The following RAP1GAP2 variants were observed in gnomAD, a reference collection of about 807,000 sequenced individuals.
RAP1GAP2 encodes the protein rap1 GTPase-activating protein 2.
In RAP1GAP2, 27 loss-of-function variants were observed where a neutral mutation model predicts 95.0. That is an observed-to-expected ratio of 0.28 (90% CI 0.21 to 0.39). RAP1GAP2 has a LOEUF of 0.39. Ranked by LOEUF, RAP1GAP2 falls within the 10% of genes least tolerant of loss-of-function variation. The probability of loss-of-function intolerance (pLI) is 1.00; values close to 1 mark genes in which losing one functional copy is unlikely to be tolerated. For missense variants in RAP1GAP2, 771 were observed against 970.0 expected, an observed-to-expected ratio of 0.79 and a Z score of 2.72; for synonymous variants, 373 against 380.9, an observed-to-expected ratio of 0.98 and a Z score of 0.24.
Position 2,810,828 on chromosome 17 carries a change from C to CTCTATGTTTAATTTTTTTAGCTTTTTTTA in RAP1GAP2, c.80+10278_80+10279insTCTATGTTTAATTTTTTTAGCTTTTTTTA, listed in dbSNP as rs1305506278. ...ACAGGCGTGAGCCACCGCGCCTGGC[C>CTCTATGTTTAATTTTTTTAGCTTTTTTTA]AACAAAAGTCAAATTAGTCTTTATG... On this transcript the variant is annotated intron_variant, in intron 2 of 24. Transcript: ENST00000254695. Among the ~76,000 whole-genome samples, 2 of 152,086 alleles carry CTCTATGTTTAATTTTTTTAGCTTTTTTTA rather than the reference C, an allele frequency of 1.3e-5. 1 individual carries two copies.
intron 2 of RAP1GAP2, among the ~76,000 whole-genome samples, chr17:2,861,701 G>A (rs1159096544): frequency 2.0e-5 from 3 of 151,984 alleles, no homozygotes; most frequent in African/African-American, 2.4e-5. Flanking sequence ...GTGCAGTGGC[G>A]CGATCACAGC....
chr17:2,852,762 C>G (rs1320303869), intron 2 of RAP1GAP2, among the ~76,000 whole-genome samples: 1 of 150,768 alleles, frequency 6.6e-6, no homozygotes, highest in Non-Finnish European at 1.5e-5. Flanking sequence ...AGGGGTGAGG[C>G]GGGAGGGGGC....
chr17:3,002,940 T>C (rs993810990), intron 14 of RAP1GAP2, among the ~76,000 whole-genome samples: 1 of 151,972 alleles, frequency 6.6e-6, no homozygotes, highest in Admixed American at 6.6e-5. Context: ...TTGGGGAAAC[T>C]CTATTTCAGG....
chr17:3,030,051 A>G (rs1214706521), intron 22 of RAP1GAP2, among the ~76,000 whole-genome samples: 1 of 148,072 alleles, frequency 6.8e-6, no homozygotes, highest in Non-Finnish European at 1.5e-5. Context: ...TATATTATAT[A>G]TACATATATA....
chr17:2,889,889 A>ATATATATATATATATATATATTT (rs1408426152), intron 2 of RAP1GAP2, among the ~76,000 whole-genome samples: 12 of 57,280 alleles, frequency 2.1e-4, no homozygotes, highest in Admixed American at 5.6e-4. Context: ...ATATATATAT[A>ATATATATATATATATATATATTT]TTTTTTTTTT....
chr17:2,856,947 C>T (rs1242076328), intron 2 of RAP1GAP2, among the ~76,000 whole-genome samples: 1 of 152,206 alleles, frequency 6.6e-6, no homozygotes. Context: ...GTTTCTTTGT[C>T]TCTTTAAGCG....
In RAP1GAP2 at chr17:2,963,984, G is replaced by C; in HGVS notation, c.408G>C (p.Glu136Asp). The C allele has an allele frequency of 6.2e-7, 1 of 1,613,018 alleles. No individual in the cohort carries two copies. Among genetic ancestry groups the C allele is most frequent in the Non-Finnish European group, 8.5e-7 (1 of 1,179,716 alleles). The change falls in exon 7 of 25, where the codon GAG becomes GAC. Residue 136 changes from glutamate to aspartate, a missense_variant. Coordinates refer to ENST00000254695, the MANE Select transcript of RAP1GAP2 (RefSeq NM_015085.5). This position sits in a 1 kb window ranked among gnomAD's most constrained non-coding sequence, Gnocchi z 4.8. ...GCAGCATCTGTGAGGAGGAGGAAGA[G>C]GACAACCTCAGCCCCAACACATTTG... ...LGSSICEEEE[E>D]DNLSPNTFGY...
At chr17:2,811,543 G>C (rs761323387) in intron 2 of RAP1GAP2, among the ~76,000 whole-genome samples, 1 of 152,108 alleles carries the variant, frequency 6.6e-6, no homozygotes, top group Non-Finnish European at 1.5e-5. Context: ...TTTTATAACA[G>C]CAGCTGGAAA....
chr17:3,012,764 G>A (rs543127555), intron 17 of RAP1GAP2, among the ~76,000 whole-genome samples: 3 of 152,222 alleles, frequency 2.0e-5, no homozygotes, highest in African/African-American at 7.2e-5. Flanking sequence ...GCAGATTCTC[G>A]GGAGTCTTGC....
chr17:2,947,909 C>A (rs999156353), intron 3 of RAP1GAP2, among the ~76,000 whole-genome samples: 10 of 152,172 alleles, frequency 6.6e-5, no homozygotes, highest in African/African-American at 2.4e-5. Flanking sequence ...GCTTCTCCCC[C>A]CAGCACTTTC....
chr17:2,809,062 T>C (rs950586228), intron 2 of RAP1GAP2, among the ~76,000 whole-genome samples: 1 of 152,142 alleles, frequency 6.6e-6, no homozygotes, highest in Non-Finnish European at 1.5e-5. Flanking sequence ...CTCCTGGAGG[T>C]ACCATTTGCC....
upstream of RAP1GAP2, among the ~76,000 whole-genome samples, chr17:2,795,086 C>G (rs571263774): frequency 6.6e-6 from 1 of 151,966 alleles, no homozygotes; most frequent in African/African-American, 2.4e-5. Context: ...CCATGTTGGC[C>G]AGGCTGGTCT....
At chr17:2,862,063 C>T (rs1481528372) in intron 2 of RAP1GAP2, among the ~76,000 whole-genome samples, 1 of 152,184 alleles carries the variant, frequency 6.6e-6, no homozygotes, top group Non-Finnish European at 1.5e-5. Flanking sequence ...TAGAGAATTG[C>T]AAATGATCAC....
At chr17:2,760,152 G>A (rs906489316) in intron 1 of RAP1GAP2, among the ~76,000 whole-genome samples, 2 of 151,508 alleles carry the variant, frequency 1.3e-5, no homozygotes, top group African/African-American at 4.8e-5. Context: ...AATTAGCCAG[G>A]CGTGGTGGCG....
intron 8 of RAP1GAP2, among the ~76,000 whole-genome samples, chr17:2,969,142 C>A (rs956111853): frequency 7.5e-5 from 10 of 132,926 alleles, no homozygotes; most frequent in Admixed American, 1.6e-4. Flanking sequence ...ATCTCAATAT[C>A]AATTATATAC....
intron 17 of RAP1GAP2, among the ~76,000 whole-genome samples, chr17:3,017,139 A>G (rs1041827877): frequency 1.3e-5 from 2 of 151,892 alleles, no homozygotes; most frequent in Non-Finnish European, 2.9e-5. Flanking sequence ...TCAACACAGC[A>G]CTCTGAGGGG....
chr17:2,898,770 G>A (rs1196426197), intron 2 of RAP1GAP2, among the ~76,000 whole-genome samples: 5 of 152,224 alleles, frequency 3.3e-5, no homozygotes, highest in Admixed American at 3.3e-4. Context: ...GACCAGCCAT[G>A]TTTTTGCAGC....
At chr17:2,952,584 G>T (rs1007616380) in intron 3 of RAP1GAP2, among the ~76,000 whole-genome samples, 29 of 152,142 alleles carry the variant, frequency 1.9e-4, no homozygotes, top group African/African-American at 6.3e-4. Flanking sequence ...GCAGCCCGGG[G>T]CCTGCAGACT....
chr17:3,031,658 C>T (rs56353926), intron 23 of RAP1GAP2, among the ~76,000 whole-genome samples: 4 of 148,142 alleles, frequency 2.7e-5, no homozygotes, highest in African/African-American at 1.0e-4. Flanking sequence ...GTTCCTGGGT[C>T]CCCCAGTCCC....
Sources: allele counts gnomAD v4.1 joint callset (sites outside exome capture counted in the v4.1 genomes callset), GRCh38; gene constraint gnomAD v4.1.1; non-coding constraint Gnocchi (gnomAD v3.1); transcripts MANE v1.5; gene names NCBI Gene and HGNC (gene_info 2026-07-23, HGNC 2026-07-21).